The following CACNA2D4 variants were observed in gnomAD, a reference collection of about 807,000 sequenced individuals.
The protein encoded by CACNA2D4 is voltage-dependent calcium channel subunit alpha-2/delta-4.
CACNA2D4 carries 157 observed loss-of-function variants against 163.8 expected under a neutral mutation model. That is an observed-to-expected ratio of 0.96 (90% confidence interval 0.84 to 1.09). CACNA2D4 has a LOEUF of 1.09. Ranked by LOEUF, CACNA2D4 falls within the 50% of genes least tolerant of loss-of-function variation. The probability of loss-of-function intolerance (pLI) is 0.00; values close to 1 mark genes in which losing one functional copy is unlikely to be tolerated. For synonymous variants in CACNA2D4, 598 were observed against 586.9 expected (o/e 1.02, Z -0.27); for missense variants, 1,410 against 1,479.9 (o/e 0.95, Z 0.78).
chr12:1,795,269 A>G (rs2154444961), intron 37 of CACNA2D4, 30 bp downstream of exon 37: 1 of 1,604,064 alleles, frequency 6.2e-7, no homozygotes, highest in South Asian at 1.1e-5. Context: ...ATGAAAATCC[A>G]GCCCACCCTC....
At chr12:1,800,603 C>T (rs996420377) in intron 31 of CACNA2D4, 165 bp from the exon 32 acceptor site, 3 of 659,274 alleles carry the variant, frequency 4.6e-6, no homozygotes, top group African/African-American at 1.8e-5. Context: ...CCCATCCCCC[C>T]ACCTCCCACC....
intron 18 of CACNA2D4, among the ~76,000 whole-genome samples, chr12:1,868,742 C>T (rs1316710782): frequency 6.6e-6 from 1 of 152,010 alleles, no homozygotes; most frequent in Non-Finnish European, 1.5e-5. Context: ...ACAGTTGGTC[C>T]TCCCATATCC....
intron 1 of CACNA2D4, among the ~76,000 whole-genome samples, chr12:1,916,965 AC>A (rs1329221956): frequency 2.0e-5 from 3 of 152,158 alleles, no homozygotes; most frequent in Non-Finnish European, 4.4e-5. Context: ...GATTCCAGCC[AC>A]CCCGACTTGG....
chr12:1,812,279 G>C (rs535218491), intron 26 of CACNA2D4, among the ~76,000 whole-genome samples: 2 of 152,326 alleles, frequency 1.3e-5, no homozygotes, highest in South Asian at 2.1e-4. Flanking sequence ...CCAGGTTCGG[G>C]TTTGCCCAGG....
Position 1,856,195 on chromosome 12 carries a change from C to T in CACNA2D4, c.2043G>A (p.Leu681=), listed in dbSNP as rs1865396302. 1.9e-6 allele frequency: 3 copies of T among 1,613,900 alleles called. No homozygotes were observed. The highest frequency in any genetic ancestry group is 2.5e-6 in the Non-Finnish European group (3 of 1,179,902). ...TACTCCTCACTTACCAGTCACCGGC[C>T]AGGGCCAGGTCTGGGTGAAGCAAGT... ...LHDLLHPDLA[L]AGDWIYCITD... The change falls in exon 21 of 38, where the codon CTG becomes CTA. Residue 681 remains leucine, a synonymous_variant. Coordinates refer to ENST00000382722, the MANE Select transcript of CACNA2D4 (RefSeq NM_172364.5).
intron 26 of CACNA2D4, among the ~76,000 whole-genome samples, chr12:1,840,524 C>G (rs1357102260): frequency 1.3e-5 from 2 of 152,184 alleles, no homozygotes; most frequent in Non-Finnish European, 2.9e-5. Flanking sequence ...CCTCTCTGGG[C>G]TTCATTTTGC....
At chr12:1,912,928 G>T in intron 3 of CACNA2D4, 95 bp downstream of exon 3, 1 of 731,170 alleles carries the variant, frequency 1.4e-6, no homozygotes, top group East Asian at 2.6e-5. Flanking sequence ...GTCACGAGGG[G>T]GGAGGATGCA....
At chr12:1,885,663 T>G (rs1866119927) in intron 9 of CACNA2D4, among the ~76,000 whole-genome samples, 1 of 152,146 alleles carries the variant, frequency 6.6e-6, no homozygotes, top group Non-Finnish European at 1.5e-5. Context: ...AATGGAAAGG[T>G]CCAGGTGGGA....
At chr12:1,846,818 CTGGG>C in intron 23 of CACNA2D4, 129 bp from the exon 24 acceptor site, 2 of 756,678 alleles carry the variant, frequency 2.6e-6, no homozygotes, top group Non-Finnish European at 4.5e-6. Flanking sequence ...TCCAGGAAGG[CTGGG>C]TTCCTGGGAA....
rs147208558 is a variant in CACNA2D4 at position 1,851,866 on chromosome 12, G to A, written c.2246+2085C>T. 8.6e-5 allele frequency among the ~76,000 whole-genome samples: 13 copies of A among 152,016 alleles called. No individual in the cohort carries two copies. The East Asian group carries it at 2.5e-3, about 29-fold the overall frequency. On this transcript the variant is annotated intron_variant, in intron 23 of 37. Transcript: ENST00000382722. ...GTATCCAAAAACACTGTCTTTCCAT[G>A]TGTTCCAGCCTCTACTTTTGTGTTT...
Position 1,844,567 on chromosome 12 carries a change from G to C in CACNA2D4, c.2343-38C>G. On this transcript the variant is annotated intron_variant, in intron 24 of 37. Coordinates refer to ENST00000382722, the MANE Select transcript of CACNA2D4 (RefSeq NM_172364.5). This position sits in a 1 kb window ranked among gnomAD's most constrained non-coding sequence, Gnocchi z 4.2. ...AGATGTGGTACCTCTCCCCAGATCT[G>C]TGAACACAGTCATCACTCTTTCCTT... 6.3e-7 allele frequency: 1 copy of C among 1,596,092 alleles called. No homozygotes were observed. The highest frequency in any genetic ancestry group is 8.6e-7 in the Non-Finnish European group (1 of 1,167,838).
intron 25 of CACNA2D4, among the ~76,000 whole-genome samples, chr12:1,842,352 C>T (rs111249529): frequency 4.7e-4 from 72 of 152,358 alleles, no homozygotes; most frequent in African/African-American, 1.5e-3. Context: ...CGGCAAAGGG[C>T]AACCATGTCA....
intron 20 of CACNA2D4, among the ~76,000 whole-genome samples, chr12:1,857,748 G>A (rs568999211): frequency 3.9e-5 from 6 of 152,232 alleles, no homozygotes; most frequent in East Asian, 1.9e-4. Context: ...ACTTTGGTTC[G>A]CATCCCATAA....
At chr12:1,831,567 G>T (rs202139748) in intron 26 of CACNA2D4, 4 of 1,510,466 alleles carry the variant, frequency 2.6e-6, no homozygotes, top group Non-Finnish European at 3.6e-6. Context: ...GGATTGGGAC[G>T]ATCACCTCTG....
At chr12:1,873,734 C>T (rs184441671) in intron 18 of CACNA2D4, among the ~76,000 whole-genome samples, 129 of 152,314 alleles carry the variant, frequency 8.5e-4, no homozygotes, top group African/African-American at 3.0e-3. Context: ...GTGGTCTGAC[C>T]TCACTATAGT....
chr12:1,843,945 G>A lies in CACNA2D4; in HGVS notation c.2470+457C>T, dbSNP rs373152765. Reference sequence around the variant, plus strand: ...GGTCCTGGGTGGTCCTGGGTAACTGGGGACGGGTTGCTTTCTTTCTGTTTG... The same window carrying A: ...GGTCCTGGGTGGTCCTGGGTAACTGAGGACGGGTTGCTTTCTTTCTGTTTG... On this transcript the variant is annotated intron_variant, in intron 25 of 37. Transcript: ENST00000382722. This position sits in a 1 kb window ranked among gnomAD's most constrained non-coding sequence, Gnocchi z 4.6. Among the ~76,000 whole-genome samples the A allele has an allele frequency of 8.5e-4, 129 of 152,274 alleles. No homozygotes were observed. The highest frequency in any genetic ancestry group is 3.0e-3 in the African/African-American group (125 of 41,550).
chr12:1,891,584 TA>T (rs1202956964), intron 6 of CACNA2D4, among the ~76,000 whole-genome samples: 1 of 151,346 alleles, frequency 6.6e-6, no homozygotes, highest in Non-Finnish European at 1.5e-5. Context: ...CAGATTCCAA[TA>T]AAAAAATAAT....
chr12:1,861,176 G>T (rs1865517485), intron 18 of CACNA2D4, among the ~76,000 whole-genome samples: 1 of 152,172 alleles, frequency 6.6e-6, no homozygotes, highest in African/African-American at 2.4e-5. Context: ...GTGTCAGAAG[G>T]GACACAGAGA....
chr12:1,850,748 C>T (rs911022474), intron 23 of CACNA2D4, among the ~76,000 whole-genome samples: 21 of 151,976 alleles, frequency 1.4e-4, no homozygotes, highest in Admixed American at 1.3e-4. Context: ...ACTAAAAATA[C>T]AAAAAAATAC....
Sources: gnomAD v4.1 joint callset for allele counts (sites outside exome capture counted in the v4.1 genomes callset) on GRCh38, gnomAD v4.1.1 for gene constraint, Gnocchi (gnomAD v3.1) non-coding constraint, MANE v1.5 for transcripts, NCBI Gene and HGNC (gene_info 2026-07-23, HGNC 2026-07-21) for gene names.